The following PTN variants were observed in gnomAD, a reference collection of about 807,000 sequenced individuals.
PTN encodes the protein heparin affin regulatory protein.
PTN carries 18 observed loss-of-function variants against 24.1 expected under a neutral mutation model. The observed-to-expected ratio is 0.75, with a 90% CI of 0.52 to 1.11. The LOEUF is 1.11. PTN is among the 50% of genes least tolerant of loss of function. PTN has a pLI of 0.00. For missense variants in PTN, 163 were observed against 198.8 expected (o/e 0.82, Z 1.08); for synonymous variants, 78 against 68.6 (o/e 1.14, Z -0.67).
chr7:137,246,632 G>A (rs1384987401), intron 4 of PTN, among the ~76,000 whole-genome samples: 3 of 152,036 alleles, frequency 2.0e-5, no homozygotes, highest in African/African-American at 7.3e-5. Flanking sequence ...CCAGAAAACG[G>A]AATGGACATG....
chr7:137,289,825 T>C (rs1809612253), intron 1 of PTN, among the ~76,000 whole-genome samples: 1 of 152,222 alleles, frequency 6.6e-6, no homozygotes, highest in Non-Finnish European at 1.5e-5. Flanking sequence ...CCATCTTGAT[T>C]TCAGTTTCAA....
At chr7:137,300,098 C>T (rs557071055) in intron 1 of PTN, among the ~76,000 whole-genome samples, 31 of 151,718 alleles carry the variant, frequency 2.0e-4, no homozygotes, top group African/African-American at 6.8e-4. Context: ...CTTTCTTTCT[C>T]GGTGGGTAGA....
At chr7:137,235,877 TAA>T (rs1808511309) in intron 4 of PTN, among the ~76,000 whole-genome samples, 1 of 152,134 alleles carries the variant, frequency 6.6e-6, no homozygotes, top group Non-Finnish European at 1.5e-5. Flanking sequence ...TATACGTGAA[TAA>T]AAGATAGTAC....
Position 137,227,922 on chromosome 7 carries a change from A to G in PTN, c.*98T>C. ...TTTTGCTTATTGTGTACTTAGCTAT[A>G]GATAATTTTTGAATACAAAGCCTAC... On this transcript the variant is annotated 3_prime_UTR_variant, in exon 5 of 5. Transcript: ENST00000348225. The G allele has an allele frequency of 6.7e-7, 1 of 1,487,918 alleles. No homozygotes were observed. The highest frequency in any genetic ancestry group is 2.4e-5 in the Admixed American group (1 of 42,256). 92.2% of individuals were successfully genotyped at this position (1,487,918 alleles called of 1,614,324 possible).
chr7:137,335,252 A>G (rs1384498240), intron 1 of PTN, among the ~76,000 whole-genome samples: 2 of 152,094 alleles, frequency 1.3e-5, no homozygotes, highest in East Asian at 3.9e-4. Flanking sequence ...TTTAAAGCAA[A>G]TGAAGAAGGC....
chr7:137,336,648 G>A (rs1012601132), intron 1 of PTN, among the ~76,000 whole-genome samples: 3 of 152,104 alleles, frequency 2.0e-5, no homozygotes, highest in African/African-American at 7.2e-5. Flanking sequence ...GGAGGGGCGA[G>A]GCCTTTCAAG....
At chr7:137,310,215 G>T (rs568506269) in intron 1 of PTN, among the ~76,000 whole-genome samples, 1 of 152,202 alleles carries the variant, frequency 6.6e-6, no homozygotes, top group Admixed American at 6.5e-5. Flanking sequence ...TCAGTAGTGG[G>T]TCTCAACAGT....
In PTN at chr7:137,253,448, G is replaced by C. The variant is rs746215978; in HGVS notation, c.289+16C>G. ...TATCTCAGAGTAGGAGATTAACTCA[G>C]TAGCATGAGGCTTACCGCCAAATTG... On this transcript the variant is annotated intron_variant, in intron 3 of 4. Transcript: ENST00000348225. 38 of 1,587,130 alleles carry C rather than the reference G, an allele frequency of 2.4e-5. No individual in the cohort carries two copies. The highest frequency in any genetic ancestry group is 3.2e-5 in the Non-Finnish European group (37 of 1,162,098).
chr7:137,323,926 TA>T (rs1161666785), intron 1 of PTN, among the ~76,000 whole-genome samples: 2 of 152,160 alleles, frequency 1.3e-5, no homozygotes, highest in African/African-American at 4.8e-5. Flanking sequence ...CCACAGATCG[TA>T]ATCTAGGAAA....
At chr7:137,320,983 G>A (rs1383815986) in intron 1 of PTN, among the ~76,000 whole-genome samples, 5 of 152,164 alleles carry the variant, frequency 3.3e-5, no homozygotes, top group African/African-American at 1.2e-4. Context: ...AAGCTTTGAG[G>A]TCAACTGTGC....
chr7:137,242,352 C>T (rs1248208926), intron 4 of PTN, among the ~76,000 whole-genome samples: 1 of 152,120 alleles, frequency 6.6e-6, no homozygotes, highest in African/African-American at 2.4e-5. Context: ...TTGAGGTTAT[C>T]GAGAGCAGGA....
intron 1 of PTN, among the ~76,000 whole-genome samples, chr7:137,292,977 C>T (rs899483845): frequency 6.6e-6 from 1 of 152,138 alleles, no homozygotes; most frequent in East Asian, 1.9e-4. Flanking sequence ...ATCTTTAGTC[C>T]TAACACTCTA....
At chr7:137,248,788 A>G (rs1270338332) in intron 4 of PTN, among the ~76,000 whole-genome samples, 1 of 152,204 alleles carries the variant, frequency 6.6e-6, no homozygotes, top group Non-Finnish European at 1.5e-5. Context: ...TAACAAAGGT[A>G]TATTATACAC....
chr7:137,260,236 T>C (rs930869127), intron 1 of PTN, among the ~76,000 whole-genome samples: 7 of 152,180 alleles, frequency 4.6e-5, no homozygotes, highest in Non-Finnish European at 8.8e-5. Flanking sequence ...CAGATTGTTC[T>C]AGATATTGTG....
chr7:137,299,982 G>A (rs1249421497), intron 1 of PTN, among the ~76,000 whole-genome samples: 4 of 151,686 alleles, frequency 2.6e-5, no homozygotes, highest in African/African-American at 9.7e-5. Flanking sequence ...AAAGCCTATG[G>A]CCTTTCATCC....
At chr7:137,296,566 C>T (rs1284234390) in intron 1 of PTN, among the ~76,000 whole-genome samples, 1 of 151,926 alleles carries the variant, frequency 6.6e-6, no homozygotes, top group Non-Finnish European at 1.5e-5. Flanking sequence ...CTCCTAGGCT[C>T]TATTAAAAAA....
intron 4 of PTN, among the ~76,000 whole-genome samples, chr7:137,242,548 T>C (rs1320833754): frequency 6.6e-6 from 1 of 152,206 alleles, no homozygotes; most frequent in African/African-American, 2.4e-5. Flanking sequence ...TTATCTGTAC[T>C]AAAAAGGGCT....
intron 4 of PTN, among the ~76,000 whole-genome samples, chr7:137,243,882 A>T (rs191041912): frequency 1.7e-4 from 26 of 152,260 alleles, no homozygotes; most frequent in Non-Finnish European, 3.2e-4. Context: ...ATGTGGTGTG[A>T]GTAGATATTT....
intron 1 of PTN, among the ~76,000 whole-genome samples, chr7:137,342,466 C>A (rs1810549496): frequency 6.6e-6 from 1 of 152,094 alleles, no homozygotes; most frequent in African/African-American, 2.4e-5. Flanking sequence ...TACAAAGCAG[C>A]TCTTAACAGA....
Sources: gnomAD v4.1 joint callset for allele counts (sites outside exome capture counted in the v4.1 genomes callset) on GRCh38, gnomAD v4.1.1 for gene constraint, MANE v1.5 for transcripts, NCBI Gene and HGNC (gene_info 2026-07-23, HGNC 2026-07-21) for gene names.